OR9Q1: variants seen among roughly 807,000 people sequenced by gnomAD.
OR9Q1 encodes the protein olfactory receptor family 9 subfamily Q member 1.
For synonymous variants in OR9Q1, 153 were observed against 148.6 expected (o/e 1.03, Z -0.22); for missense variants, 374 against 378.8 (o/e 0.99, Z 0.11).
intron 1 of OR9Q1, chr11:58,026,671 G>T (rs1852976279): frequency 2.3e-5 from 2 of 88,318 alleles, no homozygotes; most frequent in South Asian, 8.4e-4. Context: ...AACAAAGCAA[G>T]ACTCTGTAAC....
At chr11:58,043,273 G>A (rs988869245) in intron 1 of OR9Q1, among the ~76,000 whole-genome samples, 1 of 152,150 alleles carries the variant, frequency 6.6e-6, no homozygotes, top group African/African-American at 2.4e-5. Context: ...AAGGGCAAAA[G>A]GTATTTCCAA....
chr11:58,112,595 A>G lies in OR9Q1; in HGVS notation c.-15+56648A>G, dbSNP rs79617807. ...GATGCTGTCATACTCTCTCTGATTG[A>G]CCTCTTTTGCCTAGAGGGATGCATT... On this transcript the variant is annotated intron_variant, in intron 2 of 2. Transcript: ENST00000335397. Among the ~76,000 whole-genome samples the G allele has an allele frequency of 9.4e-3, 1,427 of 151,664 alleles. 5 individuals carry two copies. The highest frequency in any genetic ancestry group is 0.016 in the Non-Finnish European group (1,085 of 67,902).
chr11:58,042,913 A>G (rs1046368365), intron 1 of OR9Q1, among the ~76,000 whole-genome samples: 10 of 152,216 alleles, frequency 6.6e-5, no homozygotes, highest in Admixed American at 2.0e-4. Flanking sequence ...AAGCAATTGT[A>G]AATGGGAGTT....
chr11:58,114,146 G>C (rs1853928776), intron 2 of OR9Q1, among the ~76,000 whole-genome samples: 1 of 152,142 alleles, frequency 6.6e-6, no homozygotes, highest in Non-Finnish European at 1.5e-5. Flanking sequence ...GTTTTACACA[G>C]CATTGCTGGG....
At chr11:58,116,625 T>A (rs1565080216) in intron 2 of OR9Q1, 3 of 152,198 alleles carry the variant, frequency 2.0e-5, no homozygotes, top group Non-Finnish European at 4.4e-5. Context: ...CAGCTCTTCA[T>A]ACATTTAGTA....
chr11:58,061,254 C>T (rs1853378116), intron 2 of OR9Q1, among the ~76,000 whole-genome samples: 1 of 152,128 alleles, frequency 6.6e-6, no homozygotes. Context: ...GTCTTTGGCC[C>T]TATATTGGGC....
intron 2 of OR9Q1, among the ~76,000 whole-genome samples, chr11:58,088,878 CT>C (rs567628509): frequency 1.3e-5 from 2 of 150,102 alleles, no homozygotes; most frequent in East Asian, 1.9e-4. Context: ...GCAATTGCTT[CT>C]TTTTTTTTGT....
intron 1 of OR9Q1, among the ~76,000 whole-genome samples, chr11:58,041,830 CT>C (rs1315804690): frequency 6.6e-6 from 1 of 152,176 alleles, no homozygotes; most frequent in Non-Finnish European, 1.5e-5. Flanking sequence ...TCCAGATTGT[CT>C]GATGTCCTCG....
chr11:58,043,264 A>T (rs1447548247), intron 1 of OR9Q1, among the ~76,000 whole-genome samples: 1 of 152,192 alleles, frequency 6.6e-6, no homozygotes, highest in Admixed American at 6.5e-5. Flanking sequence ...TCTCTTCAAA[A>T]GGGCAAAAGG....
chr11:58,111,321 C>A (rs1307497497), intron 2 of OR9Q1, among the ~76,000 whole-genome samples: 1 of 152,116 alleles, frequency 6.6e-6, no homozygotes, highest in Non-Finnish European at 1.5e-5. Context: ...GGAGTTTATG[C>A]ATCTTTACTC....
At chr11:58,131,666 C>T (rs1490682918) in intron 2 of OR9Q1, among the ~76,000 whole-genome samples, 2 of 151,992 alleles carry the variant, frequency 1.3e-5, no homozygotes, top group Non-Finnish European at 2.9e-5. Flanking sequence ...ATCTCACCAG[C>T]GTTACGGCAA....
chr11:58,159,496 A>C (rs1367189092), intron 2 of OR9Q1, among the ~76,000 whole-genome samples: 2 of 152,010 alleles, frequency 1.3e-5, no homozygotes, highest in Non-Finnish European at 2.9e-5. Context: ...GCTTGGAGGG[A>C]TTGAGAAAGC....
chr11:58,139,290 T>TC (rs985479266), intron 2 of OR9Q1, among the ~76,000 whole-genome samples: 10 of 152,074 alleles, frequency 6.6e-5, no homozygotes, highest in African/African-American at 2.4e-4. Flanking sequence ...GCTGTTTTTT[T>TC]TTTTTATTAT....
chr11:58,109,432 A>G (rs1410702052), intron 2 of OR9Q1: 2 of 460,392 alleles, frequency 4.3e-6, no homozygotes, highest in Admixed American at 4.7e-5. Context: ...CTGAGGGGTG[A>G]TTACTGAGGC....
chr11:58,091,203 T>A (rs1853681173), intron 2 of OR9Q1, among the ~76,000 whole-genome samples: 1 of 152,194 alleles, frequency 6.6e-6, no homozygotes, highest in Non-Finnish European at 1.5e-5. Context: ...ATGTGTTTGC[T>A]CTTGCTTCTC....
At chr11:58,028,263 GT>G (rs1233983527) in intron 1 of OR9Q1, among the ~76,000 whole-genome samples, 26 of 152,298 alleles carry the variant, frequency 1.7e-4, no homozygotes, top group Middle Eastern at 3.4e-3. Context: ...TGGTTCCTAG[GT>G]CAGAGCAGGT....
Position 58,178,919 on chromosome 11 carries a change from T to TTATATATTA in OR9Q1, c.-14-506_-14-498dup, listed in dbSNP as rs1445959533. Among the ~76,000 whole-genome samples, 6 of 143,422 alleles carry TTATATATTA rather than the reference T, an allele frequency of 4.2e-5. No individual in the cohort carries two copies. In the East Asian group the frequency reaches 1.2e-3, roughly 28 times the overall value. The allele number at this position is 143,422 out of a possible 152,430, so 94.1% of individuals were successfully genotyped here. A position where few individuals can be genotyped will look rare whatever the true frequency, so the allele number is the denominator to read the frequency against. On this transcript the variant is annotated intron_variant, in intron 2 of 2. Coordinates refer to ENST00000335397, the MANE Select transcript of OR9Q1 (RefSeq NM_001005212.4). ...TTTATATATTATATATATTATATATTTATATATTATATATTTATATATAAT... is the reference window on the plus strand; with the variant it reads ...TTTATATATTATATATATTATATATTTATATATTATATATATTATATATTTATATATAAT...
At chr11:58,033,520 T>C (rs1370570000) in intron 1 of OR9Q1, among the ~76,000 whole-genome samples, 3 of 152,196 alleles carry the variant, frequency 2.0e-5, no homozygotes, top group Non-Finnish European at 4.4e-5. Flanking sequence ...ATCAAATATT[T>C]TGTTTTCTCA....
At chr11:58,172,964 C>T (rs1310656083) in intron 2 of OR9Q1, among the ~76,000 whole-genome samples, 1 of 151,870 alleles carries the variant, frequency 6.6e-6, no homozygotes, top group East Asian at 1.9e-4. Context: ...CCATATGCCC[C>T]AATACTTTTA....
Sources: allele counts gnomAD v4.1 joint callset (sites outside exome capture counted in the v4.1 genomes callset), GRCh38; gene constraint gnomAD v4.1.1; transcripts MANE v1.5; gene names NCBI Gene and HGNC (gene_info 2026-07-23, HGNC 2026-07-21).